LIPH: variants seen among roughly 807,000 people sequenced by gnomAD.
LIPH encodes the protein lipase member H.
In LIPH, 32 loss-of-function variants were observed where a neutral mutation model predicts 47.6. The ratio of observed to expected loss-of-function variants is 0.67; its 90% CI spans 0.51 to 0.90. The LOEUF is 0.90. Among genes scored for constraint, LIPH ranks in the 40% least tolerant of loss-of-function variants. The pLI, the probability that LIPH is intolerant of heterozygous loss-of-function variation, is 0.00. For synonymous variants in LIPH, 190 were observed against 195.6 expected (o/e 0.97, Z 0.24); for missense variants, 497 against 541.4 (o/e 0.92, Z 0.81).
rs760599764 is a variant in LIPH at position 185,552,448 on chromosome 3, G to A, written c.24C>T (p.Ile8=). Residue 8 remains isoleucine, a synonymous_variant, in exon 1 of 10, where the codon ATC becomes ATT. Coordinates refer to ENST00000296252, the MANE Select transcript of LIPH (RefSeq NM_139248.3). MLRFYLF[I]SLLCLSRSDA... ...CTGATCTTGACAAGCACAACAAACT[G>A]ATGAATAAGTAGAATCTCAACATAT... is the stretch of plus-strand genomic sequence containing the variant. 1.2e-5 allele frequency: 20 copies of A among 1,608,840 alleles called. No homozygotes were observed. The highest frequency in any genetic ancestry group is 1.6e-5 in the Non-Finnish European group (19 of 1,175,374).
Position 185,541,848 on chromosome 3 carries a change from TC to T in LIPH, c.50-6717del, listed in dbSNP as rs1162558298. On this transcript the variant is annotated intron_variant, in intron 1 of 9. Coordinates refer to ENST00000296252, the MANE Select transcript of LIPH (RefSeq NM_139248.3). Reference sequence around the variant, plus strand: ...CTTGGCTCACTACAACCTCCGCCTCTCAGGTTCAAGCAATTCTCCTACCTCA... The same window carrying T: ...CTTGGCTCACTACAACCTCCGCCTCTAGGTTCAAGCAATTCTCCTACCTCA... Among the ~76,000 whole-genome samples, 4 of 151,426 alleles carry T rather than the reference TC, an allele frequency of 2.6e-5. 1 individual carries two copies. In the East Asian group the frequency reaches 7.8e-4, roughly 29 times the overall value.
At chr3:185,517,042 G>A (rs759599169) in intron 7 of LIPH, 25 bp downstream of exon 7, 1 of 1,495,814 alleles carries the variant, frequency 6.7e-7, no homozygotes, top group African/African-American at 1.4e-5. Context: ...TTAGGCAAAA[G>A]CCAACAACCA....
intron 1 of LIPH, among the ~76,000 whole-genome samples, chr3:185,545,487 C>G (rs1332386463): frequency 1.3e-5 from 2 of 152,186 alleles, no homozygotes; most frequent in Admixed American, 1.3e-4. Context: ...CTTTCCTGCT[C>G]TAAAGGCAGA....
intron 5 of LIPH, among the ~76,000 whole-genome samples, chr3:185,523,642 A>C (rs1261436440): frequency 5.9e-5 from 9 of 152,134 alleles, no homozygotes; most frequent in Non-Finnish European, 1.3e-4. Context: ...CCTGGGCTCA[A>C]GCAATCTTCC....
intron 3 of LIPH, among the ~76,000 whole-genome samples, chr3:185,532,443 G>A (rs555196538): frequency 6.6e-6 from 1 of 150,666 alleles, no homozygotes; most frequent in East Asian, 2.0e-4. Context: ...CTGGGGGGGC[G>A]TTGAGGCTGC....
intron 6 of LIPH, 116 bp downstream of exon 6, chr3:185,519,026 A>G: frequency 1.1e-6 from 1 of 909,698 alleles, no homozygotes; most frequent in Non-Finnish European, 1.8e-6. Flanking sequence ...GCCCAGCAGA[A>G]AAACAAGTTT....
chr3:185,508,972 A>G lies in LIPH; in HGVS notation c.1269-95T>C. 4.8e-6 allele frequency: 4 copies of G among 841,466 alleles called. No homozygotes were observed. The South Asian group carries it at 5.8e-5, about 12-fold the overall frequency. 52.1% of individuals were successfully genotyped at this position (841,466 alleles called of 1,614,324 possible). A position where few individuals can be genotyped will look rare whatever the true frequency, so the allele number is the denominator to read the frequency against. ...ATATCCTTAAGATACAAAATTATTTAGCAATTGTTTTTAATATAGAAAACA... is the reference window on the plus strand; with the variant it reads ...ATATCCTTAAGATACAAAATTATTTGGCAATTGTTTTTAATATAGAAAACA... On this transcript the variant is annotated intron_variant, in intron 9 of 9. Transcript: ENST00000296252.
At chr3:185,527,655 C>T in intron 3 of LIPH, 70 bp from the exon 4 acceptor site, 1 of 1,013,344 alleles carries the variant, frequency 9.9e-7, no homozygotes, top group Non-Finnish European at 1.6e-6. Context: ...TTTGATCCTT[C>T]TGGATGAGGG....
At chr3:185,540,049 G>A (rs552897961) in intron 1 of LIPH, among the ~76,000 whole-genome samples, 1 of 152,196 alleles carries the variant, frequency 6.6e-6, no homozygotes, top group African/African-American at 2.4e-5. Context: ...TGGGGTCTGA[G>A]GCTCTTCCTA....
intron 3 of LIPH, among the ~76,000 whole-genome samples, chr3:185,529,965 G>GAGA (rs1553823294): frequency 2.5e-4 from 26 of 103,034 alleles, no homozygotes; most frequent in African/African-American, 1.1e-3. Flanking sequence ...AAAGAAAGAA[G>GAGA]GAAAGAAAGA....
rs752523680 is a variant in LIPH, at chr3:185,514,530, CAG to C, written c.983-11_983-10del. On this transcript the variant is annotated splice_polypyrimidine_tract_variant and intron_variant, in intron 7 of 9. Coordinates refer to ENST00000296252, the MANE Select transcript of LIPH (RefSeq NM_139248.3). ...CACAAAGTAATGATACACTGCAAAACAGAGAGAGAACACGGTAAGAGAGAGAT... is the reference window on the plus strand; with the variant it reads ...CACAAAGTAATGATACACTGCAAAACAGAGAGAACACGGTAAGAGAGAGAT... 2 of 995,180 alleles carry C rather than the reference CAG, an allele frequency of 2.0e-6. No individual in the cohort carries two copies. Among genetic ancestry groups the C allele is most frequent in the Admixed American group, 1.7e-5 (1 of 59,244 alleles). The allele number at this position is 995,180 out of a possible 1,614,324, so 61.6% of individuals were successfully genotyped here. A position where few individuals can be genotyped will look rare whatever the true frequency, so the allele number is the denominator to read the frequency against.
chr3:185,523,936 C>T (rs1171034388), intron 5 of LIPH, 135 bp downstream of exon 5: 5 of 627,412 alleles, frequency 8.0e-6, no homozygotes, highest in South Asian at 1.7e-5. Flanking sequence ...TGGCCAGGCT[C>T]GTCTCAAACT....
chr3:185,526,628 AATAT>A (rs1383038913), intron 4 of LIPH, among the ~76,000 whole-genome samples: 1 of 22,964 alleles, frequency 4.4e-5, no homozygotes, highest in Non-Finnish European at 1.9e-4. Context: ...AATAAAATAA[AATAT>A]AAAATAAATA....
At chr3:185,543,224 A>G (rs1038238226) in intron 1 of LIPH, among the ~76,000 whole-genome samples, 2 of 152,112 alleles carry the variant, frequency 1.3e-5, no homozygotes, top group Non-Finnish European at 2.9e-5. Context: ...TAAATAAATA[A>G]ATAAATAAAT....
At chr3:185,542,804 C>A (rs1482518779) in intron 1 of LIPH, among the ~76,000 whole-genome samples, 1 of 152,166 alleles carries the variant, frequency 6.6e-6, no homozygotes, top group Non-Finnish European at 1.5e-5. Context: ...CGGATGAAAT[C>A]ATCTCTTTTG....
intron 6 of LIPH, 89 bp downstream of exon 6, chr3:185,519,053 G>T: frequency 1.8e-6 from 2 of 1,108,996 alleles, no homozygotes; most frequent in Non-Finnish European, 2.8e-6. Flanking sequence ...CAATTATGGG[G>T]CCAGTTTTTA....
intron 1 of LIPH, among the ~76,000 whole-genome samples, chr3:185,551,029 C>T (rs916802694): frequency 2.0e-5 from 3 of 152,074 alleles, no homozygotes; most frequent in Non-Finnish European, 2.9e-5. Flanking sequence ...ACAAAATTAG[C>T]CAGGCGCAGT....
At chr3:185,520,584 A>G (rs1719873124) in intron 5 of LIPH, among the ~76,000 whole-genome samples, 1 of 152,104 alleles carries the variant, frequency 6.6e-6, no homozygotes, top group East Asian at 1.9e-4. Flanking sequence ...GCCTTTTCAT[A>G]TAATATATTT....
chr3:185,510,990 A>T (rs546520906), intron 9 of LIPH, among the ~76,000 whole-genome samples: 4 of 152,178 alleles, frequency 2.6e-5, no homozygotes, highest in African/African-American at 7.2e-5. Context: ...TACCTTATCT[A>T]CCTTTAAGTA....
Sources: gnomAD v4.1 joint callset for allele counts (sites outside exome capture counted in the v4.1 genomes callset) on GRCh38, gnomAD v4.1.1 for gene constraint, MANE v1.5 for transcripts, NCBI Gene and HGNC (gene_info 2026-07-23, HGNC 2026-07-21) for gene names.